The following EPN1 variants were observed in gnomAD, a reference collection of about 807,000 sequenced individuals.
EPN1 encodes epsin-1.
Under a neutral mutation model 56.9 loss-of-function variants are expected in EPN1, and 25 were observed. The observed-to-expected ratio is 0.44, with a 90% confidence interval of 0.32 to 0.61. EPN1 has a LOEUF of 0.61. Among genes scored for constraint, EPN1 ranks in the 20% least tolerant of loss-of-function variants. The pLI, the probability that EPN1 is intolerant of heterozygous loss-of-function variation, is 0.05. For missense variants in EPN1, 785 were observed against 823.7 expected, an observed-to-expected ratio of 0.95 and a Z score of 0.58; for synonymous variants, 411 against 361.8, an observed-to-expected ratio of 1.14 and a Z score of -1.54.
intron 1 of EPN1, chr19:55,677,559 C>G (rs1289338621): frequency 6.6e-7 from 1 of 1,525,356 alleles, no homozygotes; most frequent in Non-Finnish European, 8.9e-7. Flanking sequence ...GGAGCCCAGT[C>G]TTTGCATGCA....
chr19:55,678,696 G>A lies in EPN1; in HGVS notation c.69G>A (p.Lys23=), dbSNP rs1985602807. 3 of 1,614,148 alleles carry A rather than the reference G, an allele frequency of 1.9e-6. No homozygotes were observed. The highest frequency in any genetic ancestry group is 2.5e-6 in the Non-Finnish European group (3 of 1,180,006). Residue 23 remains lysine, a synonymous_variant, in exon 2 of 11, where the codon AAG becomes AAA. Coordinates refer to ENST00000270460, the MANE Select transcript of EPN1 (RefSeq NM_001130072.2). Reference sequence around the variant, plus strand: ...ACAACTACTCAGAGGCGGAGATCAAGGTTCGAGAGGCCACGAGCAATGACC... The same window carrying A: ...ACAACTACTCAGAGGCGGAGATCAAAGTTCGAGAGGCCACGAGCAATGACC... ...IVHNYSEAEI[K]VREATSNDPW... is the part of the protein sequence containing the mutation.
Position 55,688,924 on chromosome 19 carries a change from C to A in EPN1, c.533C>A (p.Pro178Gln). Residue 178 changes from proline (P) to glutamine (Q), a missense_variant, in exon 4 of 11, where the codon CCG becomes CAG. By Grantham distance (76) the Pro-to-Gln change is moderately conservative. Around this residue, in one of 2 missense-constraint regions of EPN1, gnomAD observed 650 missense variants for 605.0 expected, o/e 1.07. Coordinates refer to ENST00000270460, the MANE Select transcript of EPN1 (RefSeq NM_001130072.2). ...CCTCCCGAGGCGGAGCAGGCGTGGC[C>A]GCAGAGCAGCGGGGAGGAGGAGCTG... is the stretch of plus-strand genomic sequence containing the variant. ...GPPPEAEQAW[P>Q]QSSGEEELQL... is the part of the protein sequence containing the mutation. The A allele has an allele frequency of 1.3e-6, 2 of 1,591,530 alleles. No homozygotes were observed. Among genetic ancestry groups the A allele is most frequent in the Non-Finnish European group, 1.7e-6 (2 of 1,170,550 alleles).
At chr19:55,692,166 TGGG>T (rs1374161970) in intron 7 of EPN1, 109 bp downstream of exon 7, 8 of 1,062,304 alleles carry the variant, frequency 7.5e-6, no homozygotes, top group Non-Finnish European at 1.0e-5. Flanking sequence ...CGGGCAGTGG[TGGG>T]GCGTCCTGGG....
chr19:55,679,415 C>T (rs550380163), intron 2 of EPN1, among the ~76,000 whole-genome samples: 6 of 152,334 alleles, frequency 3.9e-5, no homozygotes, highest in East Asian at 1.9e-4. Flanking sequence ...CTCCCAGTGG[C>T]GGGATCTCAG....
In EPN1 at chr19:55,706,277, CTTCTTCT is replaced by C. The variant is rs1176538549; in HGVS notation, c.*10924_*10930del. The C allele has an allele frequency of 1.8e-3, 182 of 98,530 alleles. 2 individuals carry two copies. The highest frequency in any genetic ancestry group is 0.011 in the African/African-American group (167 of 15,274). The allele number at this position is 98,530 out of a possible 1,614,324, so 6.1% of individuals were successfully genotyped here. A position where few individuals can be genotyped will look rare whatever the true frequency, so the allele number is the denominator to read the frequency against. On this transcript the variant is annotated 3_prime_UTR_variant, in exon 11 of 11. Coordinates refer to ENST00000270460, the MANE Select transcript of EPN1 (RefSeq NM_001130072.2). Reference sequence around the variant, plus strand: ...TCTTTTCTTCCTTTCTTCTCTTTTTCTTCTTCTTTTTTTTTTTTTTTTAAAAGACCGT... The same window carrying C: ...TCTTTTCTTCCTTTCTTCTCTTTTTCTTTTTTTTTTTTTTTAAAAGACCGT...
At chr19:55,681,398 G>C (rs889446311) in intron 2 of EPN1, among the ~76,000 whole-genome samples, 1 of 152,062 alleles carries the variant, frequency 6.6e-6, no homozygotes, top group African/African-American at 2.4e-5. Context: ...GAGGAGCCCC[G>C]AGCCCACCCT....
chr19:55,684,592 A>G (rs912929300), intron 2 of EPN1, among the ~76,000 whole-genome samples: 13 of 152,146 alleles, frequency 8.5e-5, no homozygotes, highest in Non-Finnish European at 1.6e-4. Flanking sequence ...GGTGGTGTGG[A>G]ACCTGGGTGC....
rs761024384 is a variant in EPN1 at position 55,688,859 on chromosome 19, C to G, written c.479-11C>G. The G allele has an allele frequency of 6.4e-7, 1 of 1,573,112 alleles. No homozygotes were observed. The highest frequency in any genetic ancestry group is 1.9e-5 in the Admixed American group (1 of 53,590). On this transcript the variant is annotated splice_polypyrimidine_tract_variant and intron_variant, in intron 3 of 10. Coordinates refer to ENST00000270460, the MANE Select transcript of EPN1 (RefSeq NM_001130072.2). ...GGTCTGGGTCTCACGCGTTTCTCAC[C>G]CGCCCTCCAGCCTCATCAGCAGCTG...
At position 55,704,682 on chromosome 19, in the gene EPN1, C is replaced by G. The variant is rs536811342; in HGVS notation, c.*9326C>G. On this transcript the variant is annotated 3_prime_UTR_variant, in exon 11 of 11. Coordinates refer to ENST00000270460, the MANE Select transcript of EPN1 (RefSeq NM_001130072.2). ...CCCCACAGCACCCTTGCTGTCTCAC[C>G]CCGTATCGCAAAAGCTCACGCATGT... 6.6e-6 allele frequency: 1 copy of G among 152,546 alleles called. No individual in the cohort carries two copies. Among genetic ancestry groups the G allele is most frequent in the Admixed American group, 6.5e-5 (1 of 15,286 alleles). The allele number at this position is 152,546 out of a possible 1,614,324, so 9.4% of individuals were successfully genotyped here. A position where few individuals can be genotyped will look rare whatever the true frequency, so the allele number is the denominator to read the frequency against.
rs1987147646 is a variant in EPN1, at chr19:55,701,662, G to T, written c.*6306G>T. On this transcript the variant is annotated 3_prime_UTR_variant, in exon 11 of 11. Transcript: ENST00000270460. Reference sequence around the variant, plus strand: ...TCGGGACCCTGCCTGGCTTGTTCCTGTAAAACGGTCTTGTCTGTGGTAAAT... The same window carrying T: ...TCGGGACCCTGCCTGGCTTGTTCCTTTAAAACGGTCTTGTCTGTGGTAAAT... The T allele has an allele frequency of 6.6e-6, 1 of 152,064 alleles. No homozygotes were observed. The highest frequency in any genetic ancestry group is 6.6e-5 in the Admixed American group (1 of 15,260). The allele number at this position is 152,064 out of a possible 1,614,324, so 9.4% of individuals were successfully genotyped here.
intron 1 of EPN1, chr19:55,677,308 A>T: frequency 1.2e-6 from 1 of 821,768 alleles, no homozygotes; most frequent in Non-Finnish European, 2.1e-6. Flanking sequence ...TTCAAGGATT[A>T]ACTGAGTTAA....
intron 1 of EPN1, chr19:55,677,464 T>C: frequency 4.0e-6 from 3 of 753,502 alleles, no homozygotes; most frequent in Non-Finnish European, 6.5e-6. Context: ...TTTAAAAGTA[T>C]GAGTTTTGGA....
rs567418507 is a variant in EPN1, at chr19:55,691,965, C to T, written c.974C>T (p.Ala325Val). The change falls in exon 7 of 11, where the codon GCC becomes GTC. Residue 325 changes from alanine (A) to valine (V), a missense_variant. Transcript: ENST00000270460. This position sits in a 1 kb window ranked among gnomAD's most constrained non-coding sequence, Gnocchi z 5.6. The part of the protein sequence containing the change: ...PASGDPWRPA[A>V]PAGPSVDPWG... The stretch of plus-strand genomic sequence containing the variant: ...TCTGGGGACCCCTGGAGGCCTGCTG[C>T]CCCTGCAGGACCCTCAGTTGACCCT... The T allele has an allele frequency of 4.0e-6, 6 of 1,516,604 alleles. No homozygotes were observed. Among genetic ancestry groups the T allele is most frequent in the Middle Eastern group, 4.5e-4 (2 of 4,398 alleles). The allele number at this position is 1,516,604 out of a possible 1,614,324, so 93.9% of individuals were successfully genotyped here.
In EPN1 at chr19:55,706,299, T is replaced by TAA. The variant is rs1555793093; in HGVS notation, c.*10946_*10947dup. 1.3e-5 allele frequency: 2 copies of TAA among 154,890 alleles called. No homozygotes were observed. The highest frequency in any genetic ancestry group is 5.1e-5 in the African/African-American group (2 of 39,354). 9.6% of individuals were successfully genotyped at this position (154,890 alleles called of 1,614,324 possible). On this transcript the variant is annotated 3_prime_UTR_variant, in exon 11 of 11. Transcript: ENST00000270460. Reference sequence around the variant, plus strand: ...TTTCTTCTTCTTTTTTTTTTTTTTTTAAAAGACCGTGTTTCGCTCTGTCAC... The same window carrying TAA: ...TTTCTTCTTCTTTTTTTTTTTTTTTTAAAAAAGACCGTGTTTCGCTCTGTCAC...
Position 55,688,961 on chromosome 19 carries a change from G to A in EPN1, c.570G>A (p.Leu190=), listed in dbSNP as rs1325203034. ...GGGAGGAGGAGCTGCAGCTCCAGCTGGCCCTGGCCATGAGCAAGGAGGAGG... is the reference window on the plus strand; with the variant it reads ...GGGAGGAGGAGCTGCAGCTCCAGCTAGCCCTGGCCATGAGCAAGGAGGAGG... ...SSGEEELQLQ[L]ALAMSKEEAD... is the part of the protein sequence containing the mutation. The change falls in exon 4 of 11, where the codon CTG becomes CTA. Residue 190 remains leucine (L), a synonymous_variant. Transcript: ENST00000270460. 2 of 1,602,200 alleles carry A rather than the reference G, an allele frequency of 1.2e-6. No individual in the cohort carries two copies. The highest frequency in any genetic ancestry group is 4.5e-5 in the East Asian group (2 of 44,570).
chr19:55,684,939 G>C (rs1438577894), intron 2 of EPN1, among the ~76,000 whole-genome samples: 9 of 152,214 alleles, frequency 5.9e-5, no homozygotes, highest in Non-Finnish European at 1.2e-4. Flanking sequence ...ATATCGCACA[G>C]TTCAGTGGCC....
Position 55,678,768 on chromosome 19 carries a change from C to T in EPN1, c.141C>T (p.Thr47=). 6.2e-7 allele frequency: 1 copy of T among 1,614,172 alleles called. No homozygotes were observed. Among genetic ancestry groups the T allele is most frequent in the Non-Finnish European group, 8.5e-7 (1 of 1,180,018 alleles). The stretch of plus-strand genomic sequence containing the variant: ...TCATGTCAGAGATTGCCGACCTCAC[C>T]TACAACGTTGTCGCCTTCTCGGAGA... ...SSLMSEIADL[T]YNVVAFSEIM... Residue 47 remains threonine, a synonymous_variant, in exon 2 of 11, where the codon ACC becomes ACT. Transcript: ENST00000270460.
rs932878467 is a variant in EPN1 at position 55,693,150 on chromosome 19, G to A, written c.1264+113G>A. ...TCCAGGCAGGGCCGGCTGGACTTAG[G>A]GATGAAAAGTTCAGTTGGGTAGAGT... On this transcript the variant is annotated intron_variant, in intron 9 of 10. Coordinates refer to ENST00000270460, the MANE Select transcript of EPN1 (RefSeq NM_001130072.2). 11 of 1,010,354 alleles carry A rather than the reference G, an allele frequency of 1.1e-5. No individual in the cohort carries two copies. In the South Asian group the frequency reaches 1.2e-4, roughly 11 times the overall value. The allele number at this position is 1,010,354 out of a possible 1,614,324, so 62.6% of individuals were successfully genotyped here. A position where few individuals can be genotyped will look rare whatever the true frequency, so the allele number is the denominator to read the frequency against.
chr19:55,684,376 C>A (rs1986025422), intron 2 of EPN1, among the ~76,000 whole-genome samples: 2 of 152,102 alleles, frequency 1.3e-5, no homozygotes, highest in Admixed American at 1.3e-4. Flanking sequence ...CCAAGACACC[C>A]CCTGCAGAGC....
Sources: gnomAD v4.1 joint callset for allele counts (sites outside exome capture counted in the v4.1 genomes callset) on GRCh38, gnomAD v4.1.1 for gene constraint, gnomAD v4.1.1 regional missense constraint, Gnocchi (gnomAD v3.1) non-coding constraint, MANE v1.5 for transcripts, NCBI Gene and HGNC (gene_info 2026-07-23, HGNC 2026-07-21) for gene names.